Variants in TMEM266 observed in about 807,000 individuals in gnomAD.
The protein encoded by TMEM266 is transmembrane protein 266, also known as Hv1 related protein 1.
Under a neutral mutation model 50.5 loss-of-function variants are expected in TMEM266, and 33 were observed. The ratio of observed to expected loss-of-function variants is 0.65; its 90% CI spans 0.50 to 0.87. The LOEUF (loss-of-function observed/expected upper bound fraction) is 0.87. Among genes scored for constraint, TMEM266 ranks in the 40% least tolerant of loss-of-function variants. The pLI, the probability that TMEM266 is intolerant of heterozygous loss-of-function variation, is 0.00. For synonymous variants in TMEM266, 310 were observed against 292.3 expected (o/e 1.06, Z -0.62); for missense variants, 655 against 695.1 (o/e 0.94, Z 0.65).
chr15:76,144,202 G>A (rs2037722222), intron 3 of TMEM266, among the ~76,000 whole-genome samples: 1 of 135,048 alleles, frequency 7.4e-6, no homozygotes, highest in African/African-American at 3.0e-5. Flanking sequence ...GTAGAACCTA[G>A]ACCTCACCCA....
At chr15:76,202,458 G>C (rs1424980402) in intron 10 of TMEM266, among the ~76,000 whole-genome samples, 194 bp downstream of exon 10, 2 of 152,200 alleles carry the variant, frequency 1.3e-5, no homozygotes, top group Non-Finnish European at 1.5e-5. Flanking sequence ...GGGTCCCCAG[G>C]GGCTGAGCCT....
intron 3 of TMEM266, among the ~76,000 whole-genome samples, chr15:76,152,923 C>T (rs752232688): frequency 6.6e-6 from 1 of 152,050 alleles, no homozygotes; most frequent in Non-Finnish European, 1.5e-5. Context: ...GTGGGGGCGG[C>T]GTTCATTTGA....
chr15:76,065,461 C>T (rs1311827321), intron 1 of TMEM266, among the ~76,000 whole-genome samples: 1 of 152,020 alleles, frequency 6.6e-6, no homozygotes, highest in Non-Finnish European at 1.5e-5. Flanking sequence ...CTGTCGGCAG[C>T]TCCTTCCTAG....
intron 1 of TMEM266, among the ~76,000 whole-genome samples, chr15:76,107,291 C>T (rs1361316708): frequency 2.0e-5 from 3 of 152,110 alleles, no homozygotes; most frequent in East Asian, 1.9e-4. Flanking sequence ...TTTACAAGCA[C>T]GGCACATTTC....
intron 1 of TMEM266, among the ~76,000 whole-genome samples, chr15:76,090,579 A>G (rs2036835597): frequency 6.6e-6 from 1 of 152,102 alleles, no homozygotes; most frequent in African/African-American, 2.4e-5. Context: ...GAAAAGGGCA[A>G]AGGATGCACA....
chr15:76,117,082 A>G (rs1220891893), intron 1 of TMEM266, among the ~76,000 whole-genome samples: 1 of 151,956 alleles, frequency 6.6e-6, no homozygotes. Context: ...TATTTTTAGC[A>G]GAGACAGCAT....
At chr15:76,202,708 G>A (rs995833862) in intron 10 of TMEM266, among the ~76,000 whole-genome samples, 2 of 152,154 alleles carry the variant, frequency 1.3e-5, no homozygotes, top group South Asian at 2.1e-4. Context: ...GGGAAGCCTA[G>A]TGGTTTTTAC....
At chr15:76,201,941 A>G (rs1366853281) in intron 9 of TMEM266, among the ~76,000 whole-genome samples, 2 of 152,176 alleles carry the variant, frequency 1.3e-5, no homozygotes, top group Non-Finnish European at 2.9e-5. Flanking sequence ...CTGGGGACAG[A>G]GGGGAAGGGG....
chr15:76,090,421 G>A (rs568225351), intron 1 of TMEM266, among the ~76,000 whole-genome samples: 1 of 150,984 alleles, frequency 6.6e-6, no homozygotes, highest in African/African-American at 2.4e-5. Flanking sequence ...GAACTTGGGA[G>A]GTGGAGGTTG....
intron 9 of TMEM266, among the ~76,000 whole-genome samples, chr15:76,192,532 A>G (rs1417349621): frequency 2.0e-5 from 3 of 152,182 alleles, no homozygotes; most frequent in Non-Finnish European, 4.4e-5. Flanking sequence ...CGCATCGCTA[A>G]TAAGTGGCAG....
intron 8 of TMEM266, chr15:76,181,307 C>G (rs1230023014): frequency 6.6e-6 from 1 of 152,272 alleles, no homozygotes; most frequent in Non-Finnish European, 1.5e-5. Flanking sequence ...TTCACTGCTT[C>G]CCTCATTCCT....
At chr15:76,123,720 T>A (rs1432300776) in intron 1 of TMEM266, among the ~76,000 whole-genome samples, 1 of 151,904 alleles carries the variant, frequency 6.6e-6, no homozygotes, top group Non-Finnish European at 1.5e-5. Context: ...AATCTTTTTT[T>A]TTTTGAGATG....
chr15:76,192,243 A>G, intron 9 of TMEM266, 86 bp downstream of exon 9: 3 of 1,244,570 alleles, frequency 2.4e-6, no homozygotes, highest in Non-Finnish European at 3.1e-6. Context: ...CTGTGCGCAG[A>G]GTGGATGGGG....
intron 8 of TMEM266, among the ~76,000 whole-genome samples, chr15:76,186,532 A>G (rs1230086244): frequency 1.3e-5 from 2 of 152,026 alleles, no homozygotes; most frequent in African/African-American, 4.8e-5. Context: ...GCTTGCCAAA[A>G]TCTGTCCCCT....
At chr15:76,178,562 C>T (rs2038337540) in intron 8 of TMEM266, 1 of 152,388 alleles carries the variant, frequency 6.6e-6, no homozygotes, top group African/African-American at 2.4e-5. Context: ...CACACATGCG[C>T]CACGTGGCCA....
intron 3 of TMEM266, among the ~76,000 whole-genome samples, chr15:76,148,029 G>A (rs2037781659): frequency 6.6e-6 from 1 of 152,252 alleles, no homozygotes; most frequent in Admixed American, 6.5e-5. Flanking sequence ...TTATTTCTCA[G>A]CAAAATATCC....
Position 76,095,450 on chromosome 15 carries a change from C to T in TMEM266, c.-97+35434C>T, listed in dbSNP as rs182535118. ...TGCATATGTTGAACCAGCCTTGCAT[C>T]CCAGGGATGAAGCCGACTTGATCGT... On this transcript the variant is annotated intron_variant, in intron 1 of 10. Coordinates refer to ENST00000388942, the MANE Select transcript of TMEM266 (RefSeq NM_152335.3). 1.2e-3 allele frequency among the ~76,000 whole-genome samples: 183 copies of T among 152,206 alleles called. 1 individual carries two copies. The highest frequency in any genetic ancestry group is 1.9e-3 in the Non-Finnish European group (131 of 68,014).
At chr15:76,119,843 C>T (rs2037313402) in intron 1 of TMEM266, among the ~76,000 whole-genome samples, 1 of 152,108 alleles carries the variant, frequency 6.6e-6, no homozygotes, top group Admixed American at 6.5e-5. Flanking sequence ...TACATATTTT[C>T]TTTTGTGTAA....
At chr15:76,170,881 G>C in intron 6 of TMEM266, 112 bp from the exon 7 acceptor site, 2 of 1,358,872 alleles carry the variant, frequency 1.5e-6, no homozygotes, top group Non-Finnish European at 2.0e-6. Flanking sequence ...GCCTTCTGGT[G>C]GGGGCCCGGG....
Sources: allele counts gnomAD v4.1 joint callset (sites outside exome capture counted in the v4.1 genomes callset), GRCh38; gene constraint gnomAD v4.1.1; transcripts MANE v1.5; gene names NCBI Gene and HGNC (gene_info 2026-07-23, HGNC 2026-07-21).